The following WFDC5 variants were observed in gnomAD, a reference collection of about 807,000 sequenced individuals.
The protein encoded by WFDC5 is WAP four-disulfide core domain 5.
In WFDC5, 15 loss-of-function variants were observed where a neutral mutation model predicts 15.7. That is an observed-to-expected ratio of 0.96 (90% CI 0.64 to 1.47). The LOEUF (loss-of-function observed/expected upper bound fraction) is 1.47. WFDC5 is among the 40% of genes most tolerant of loss of function. The pLI, the probability that WFDC5 is intolerant of heterozygous loss-of-function variation, is 0.00. For synonymous variants in WFDC5, 109 were observed against 107.7 expected (o/e 1.01, Z -0.07); for missense variants, 280 against 258.0 (o/e 1.09, Z -0.59).
At chr20:45,113,950 C>G (rs1981687789) in intron 1 of WFDC5, among the ~76,000 whole-genome samples, 1 of 152,210 alleles carries the variant, frequency 6.6e-6, no homozygotes, top group Non-Finnish European at 1.5e-5. Context: ...TAAGGTGAAT[C>G]TTTCTGATTT....
At chr20:45,115,195 G>C, upstream of WFDC5, 1 of 981,292 alleles carries the variant, frequency 1.0e-6, no homozygotes, top group Non-Finnish European at 1.5e-6. Flanking sequence ...GAGTGACACC[G>C]TGCCTGCTTC....
In WFDC5 at chr20:45,110,532, C is replaced by T. The variant is rs1229875563; in HGVS notation, c.235G>A (p.Gly79Ser). ...CGCAGTTGGTCCTCTGGGCAGCTGC[C>T]CAGCTTCACTGCAACACAGGGAACT... Residue 79 changes from glycine (G) to serine (S), a missense_variant, in exon 3 of 4, where the codon GGC becomes AGC. By Grantham distance (56) the Gly-to-Ser change is moderately conservative. Transcript: ENST00000307971. 9 of 1,614,140 alleles carry T rather than the reference C, an allele frequency of 5.6e-6. No individual in the cohort carries two copies. Among genetic ancestry groups the T allele is most frequent in the South Asian group, 3.3e-5 (3 of 91,082 alleles).
chr20:45,112,805 C>T lies in WFDC5; in HGVS notation c.86-2030G>A, dbSNP rs192939908. ...AAAGTAGCAATTTTACATGGTTCAA[C>T]TTAATACACACATATATACATATGG... On this transcript the variant is annotated intron_variant, in intron 1 of 3. Coordinates refer to ENST00000307971, the Ensembl canonical transcript of WFDC5. 1.9e-4 allele frequency among the ~76,000 whole-genome samples: 29 copies of T among 152,270 alleles called. 1 individual carries two copies. The East Asian group carries it at 4.8e-3, about 25-fold the overall frequency.
chr20:45,113,790 T>C (rs572705461), intron 1 of WFDC5, among the ~76,000 whole-genome samples: 4 of 152,132 alleles, frequency 2.6e-5, no homozygotes, highest in African/African-American at 9.6e-5. Flanking sequence ...GCTGTAATAG[T>C]TGGTAAAGTG....
chr20:45,111,363 A>T (rs980195973), intron 1 of WFDC5, among the ~76,000 whole-genome samples: 1 of 137,330 alleles, frequency 7.3e-6, no homozygotes, highest in African/African-American at 2.7e-5. Flanking sequence ...TGTGTCTCTC[A>T]CTTGGCTGGA....
At chr20:45,113,025 T>C (rs1981663194) in intron 1 of WFDC5, among the ~76,000 whole-genome samples, 1 of 152,174 alleles carries the variant, frequency 6.6e-6, no homozygotes, top group African/African-American at 2.4e-5. Flanking sequence ...CATATGTATG[T>C]GAACAGAGAG....
At position 45,110,616 on chromosome 20, in the gene WFDC5, G is replaced by T; in HGVS notation, c.226+19C>A. 1.2e-6 allele frequency: 2 copies of T among 1,614,098 alleles called. No individual in the cohort carries two copies. The highest frequency in any genetic ancestry group is 1.3e-5 in the African/African-American group (1 of 75,052). Reference sequence around the variant, plus strand: ...GCTTGGGGCTTGGATGGTCAGCAAGGTGGAGGGGAGGCATTTACCAGAGAC... The same window carrying T: ...GCTTGGGGCTTGGATGGTCAGCAAGTTGGAGGGGAGGCATTTACCAGAGAC... On this transcript the variant is annotated intron_variant, in intron 2 of 3. Transcript: ENST00000307971.
At chr20:45,115,231 C>T (rs1451368709), upstream of WFDC5, 16 of 672,856 alleles carry the variant, frequency 2.4e-5, no homozygotes, top group Non-Finnish European at 4.0e-5. Flanking sequence ...CCTGAGGGCC[C>T]GAGGACTCAG....
chr20:45,111,939 C>T lies in WFDC5; in HGVS notation c.86-1164G>A, dbSNP rs183350290. ...CATCAGAGAAAATGTTCAAGAGTTC[C>T]GAGGGGCAGCTGGATCTGGTTCTGT... On this transcript the variant is annotated intron_variant, in intron 1 of 3. Coordinates refer to ENST00000307971, the Ensembl canonical transcript of WFDC5. Among the ~76,000 whole-genome samples the T allele has an allele frequency of 4.6e-5, 7 of 152,236 alleles. No homozygotes were observed. In the East Asian group the frequency reaches 1.2e-3, roughly 25 times the overall value.
At chr20:45,111,649 T>C (rs1433308595) in intron 1 of WFDC5, among the ~76,000 whole-genome samples, 1 of 152,130 alleles carries the variant, frequency 6.6e-6, no homozygotes, top group Non-Finnish European at 1.5e-5. Flanking sequence ...TGGTATAGAG[T>C]GTCCTGTCCC....
At chr20:45,111,087 T>C (rs773655798) in intron 1 of WFDC5, among the ~76,000 whole-genome samples, 19 of 152,336 alleles carry the variant, frequency 1.2e-4, no homozygotes, top group South Asian at 4.1e-4. Flanking sequence ...CCCCATCCTC[T>C]ACTGCCCTCC....
At chr20:45,112,599 C>A (rs752822310) in intron 1 of WFDC5, among the ~76,000 whole-genome samples, 2 of 152,086 alleles carry the variant, frequency 1.3e-5, no homozygotes, top group South Asian at 4.1e-4. Flanking sequence ...CAGATGCATG[C>A]GCCATGGGTG....
At chr20:45,109,562 T>TA (rs565722079) in exon 4 of WFDC5, 160 of 604,212 alleles carry the variant, frequency 2.6e-4, no homozygotes, top group Admixed American at 7.8e-4. Context: ...ATCATGGTGC[T>TA]ATTTTGTAGG....
chr20:45,112,191 G>A (rs907160056), intron 1 of WFDC5, among the ~76,000 whole-genome samples: 1 of 152,158 alleles, frequency 6.6e-6, no homozygotes, highest in Non-Finnish European at 1.5e-5. Flanking sequence ...GAGGGTTCCT[G>A]GGAAACTGTC....
chr20:45,109,916 T>G (rs1981562479), exon 4 of WFDC5: 2 of 1,551,938 alleles, frequency 1.3e-6, no homozygotes, highest in Non-Finnish European at 1.8e-6. Context: ...GTAGAGATAG[T>G]GCTGTCCAGC....
At chr20:45,113,796 A>C (rs765584929) in intron 1 of WFDC5, among the ~76,000 whole-genome samples, 11 of 150,932 alleles carry the variant, frequency 7.3e-5, no homozygotes, top group Non-Finnish European at 1.0e-4. Flanking sequence ...ATAGTTGGTA[A>C]AGTGAATCTT....
chr20:45,111,285 C>A (rs1981612017), intron 1 of WFDC5, among the ~76,000 whole-genome samples: 1 of 91,980 alleles, frequency 1.1e-5, no homozygotes, highest in African/African-American at 4.2e-5. Flanking sequence ...TCAGCGCCCC[C>A]CCACCCCGGC....
intron 1 of WFDC5, among the ~76,000 whole-genome samples, chr20:45,111,511 T>C (rs1981620843): frequency 6.6e-6 from 1 of 152,184 alleles, no homozygotes; most frequent in African/African-American, 2.4e-5. Context: ...GCGTCAGCAG[T>C]GGCCAGCCTG....
At chr20:45,112,956 T>C (rs1981661697) in intron 1 of WFDC5, among the ~76,000 whole-genome samples, 1 of 152,120 alleles carries the variant, frequency 6.6e-6, no homozygotes, top group Non-Finnish European at 1.5e-5. Flanking sequence ...CATAGATACA[T>C]ACACACAGAT....
Sources: gnomAD v4.1 joint callset for allele counts (sites outside exome capture counted in the v4.1 genomes callset) on GRCh38, gnomAD v4.1.1 for gene constraint, MANE v1.5 for transcripts, NCBI Gene and HGNC (gene_info 2026-07-23, HGNC 2026-07-21) for gene names.